WDR25: variants seen among roughly 807,000 people sequenced by gnomAD.
WDR25 encodes the protein WD repeat domain 25.
A neutral mutation model predicts 47.7 loss-of-function variants in WDR25; 35 were observed. The ratio of observed to expected loss-of-function variants is 0.73; its 90% CI spans 0.56 to 0.97. The LOEUF (loss-of-function observed/expected upper bound fraction) is 0.97. Ranked by LOEUF, WDR25 falls within the 50% of genes least tolerant of loss-of-function variation. WDR25 has a pLI of 0.00. For missense variants in WDR25, 634 were observed against 704.7 expected (o/e 0.90, Z 1.14); for synonymous variants, 248 against 278.9 (o/e 0.89, Z 1.10).
chr14:100,513,428 T>C (rs1901376993), intron 4 of WDR25, among the ~76,000 whole-genome samples: 1 of 152,206 alleles, frequency 6.6e-6, no homozygotes, highest in South Asian at 2.1e-4. Flanking sequence ...ACCTCAATCT[T>C]GGACTTCCCA....
Position 100,529,459 on chromosome 14 carries a change from G to A in WDR25, c.1413+251G>A. The A allele has an allele frequency of 1.6e-6, 1 of 612,682 alleles. No individual in the cohort carries two copies. The allele number at this position is 612,682 out of a possible 1,614,324, so 38.0% of individuals were successfully genotyped here. A position where few individuals can be genotyped will look rare whatever the true frequency, so the allele number is the denominator to read the frequency against. ...CACACAGACAGGTCTCAGAAGTGGG[G>A]GGCAGGAACAGGACAAAATGGTCAT... On this transcript the variant is annotated intron_variant, in intron 6 of 6. Transcript: ENST00000402312. The surrounding 1 kb of genome is among the most constrained non-coding windows in gnomAD (Gnocchi z 5.1).
intron 4 of WDR25, chr14:100,503,931 A>T (rs1205826816): frequency 6.6e-6 from 1 of 152,248 alleles, no homozygotes; most frequent in African/African-American, 2.4e-5. Context: ...CTTTAAAGAA[A>T]CTTTTTATTA....
Position 100,381,550 on chromosome 14 carries a change from C to T in WDR25, c.626C>T (p.Ala209Val), listed in dbSNP as rs201567229. The stretch of plus-strand genomic sequence containing the variant: ...GGGCCCCCTGCAGGGCGTGCCCCAG[C>T]CCCTCTCTACGTGGGCCCGGGAGTG... ...PQGPPAGRAP[A>V]PLYVGPGVSE... Residue 209 changes from alanine (A) to valine (V), a missense_variant, in exon 2 of 7, where the codon GCC becomes GTC. Ala to Val is a moderately conservative substitution (Grantham distance 64, BLOSUM62 0). Coordinates refer to ENST00000402312, the MANE Select transcript of WDR25 (RefSeq NM_001161476.3). 6.8e-5 allele frequency: 109 copies of T among 1,613,884 alleles called. No homozygotes were observed. The highest frequency in any genetic ancestry group is 9.0e-5 in the Non-Finnish European group (106 of 1,179,904).
chr14:100,522,019 A>G (rs191306984), intron 4 of WDR25, among the ~76,000 whole-genome samples: 13 of 152,326 alleles, frequency 8.5e-5, no homozygotes, highest in Middle Eastern at 3.4e-3. Context: ...TGTTAGGAGC[A>G]AAGTGGAAGG....
At chr14:100,378,171 G>T (rs1195769179) in intron 1 of WDR25, among the ~76,000 whole-genome samples, 1 of 93,036 alleles carries the variant, frequency 1.1e-5, no homozygotes, top group Admixed American at 8.8e-5. Context: ...ATTTCAGAAA[G>T]ATTTTTTTTT....
chr14:100,386,806 T>G (rs558509910), intron 2 of WDR25, among the ~76,000 whole-genome samples: 1 of 151,980 alleles, frequency 6.6e-6, no homozygotes, highest in African/African-American at 2.4e-5. Context: ...GGCAGGAGAA[T>G]GGCATGAACC....
chr14:100,489,324 G>A (rs900026207), intron 4 of WDR25, among the ~76,000 whole-genome samples: 1 of 152,236 alleles, frequency 6.6e-6, no homozygotes, highest in African/African-American at 2.4e-5. Context: ...CAGAATGGAA[G>A]CTGTAGAATT....
chr14:100,440,543 A>C lies in WDR25; in HGVS notation c.823-27478A>C, dbSNP rs1185104285. Among the ~76,000 whole-genome samples, 1 of 152,216 alleles carries C rather than the reference A, an allele frequency of 6.6e-6. No individual in the cohort carries two copies. Among genetic ancestry groups the C allele is most frequent in the Non-Finnish European group, 1.5e-5 (1 of 68,030 alleles). The stretch of plus-strand genomic sequence containing the variant: ...TAGCTCTCTGGAGGCTGTGCTGAGC[A>C]CTGAGGGACACTGGGAGAAAAACAC... On this transcript the variant is annotated intron_variant, in intron 2 of 6. Coordinates refer to ENST00000402312, the MANE Select transcript of WDR25 (RefSeq NM_001161476.3). The surrounding 1 kb of genome is among the most constrained non-coding windows in gnomAD (Gnocchi z 4.4).
intron 2 of WDR25, among the ~76,000 whole-genome samples, chr14:100,397,155 A>G (rs1897277454): frequency 6.6e-6 from 1 of 152,210 alleles, no homozygotes; most frequent in Non-Finnish European, 1.5e-5. Flanking sequence ...AAGGGAACAT[A>G]CTTTTTAATT....
chr14:100,376,552 A>G, intron 1 of WDR25, 57 bp downstream of exon 1: 1 of 1,231,866 alleles, frequency 8.1e-7, no homozygotes, highest in South Asian at 4.1e-5. Context: ...GGCAGCGCCT[A>G]AAGCGCCCCG....
Position 100,404,925 on chromosome 14 carries a change from T to C in WDR25, c.822+23179T>C, listed in dbSNP as rs983804895. On this transcript the variant is annotated intron_variant, in intron 2 of 6. Transcript: ENST00000402312. This position sits in a 1 kb window ranked among gnomAD's most constrained non-coding sequence, Gnocchi z 4.6. The stretch of plus-strand genomic sequence containing the variant: ...ACTTGGCACTGGTGTGTTTGGGCCC[T>C]TCCTCTTAACCCTCCTACCTTGTGT... 3.3e-5 allele frequency among the ~76,000 whole-genome samples: 5 copies of C among 152,164 alleles called. No homozygotes were observed. The highest frequency in any genetic ancestry group is 3.3e-4 in the Admixed American group (5 of 15,272).
chr14:100,487,048 G>T (rs1011227183), intron 4 of WDR25, among the ~76,000 whole-genome samples: 1 of 151,730 alleles, frequency 6.6e-6, no homozygotes. Context: ...ATTTGTATAC[G>T]CAATTTTGTG....
Position 100,502,715 on chromosome 14 carries a change from CT to C in WDR25, c.1101+18592del, listed in dbSNP as rs375683289. ...TCCACAGAGTACATCGTGATGGGAA[CT>C]GCTTGGGGGCTAATGAAAGACTCAC... is the stretch of plus-strand genomic sequence containing the variant. On this transcript the variant is annotated intron_variant, in intron 4 of 6. Transcript: ENST00000402312. The surrounding 1 kb of genome is among the most constrained non-coding windows in gnomAD (Gnocchi z 4.5). Among the ~76,000 whole-genome samples the C allele has an allele frequency of 5.6e-4, 85 of 152,326 alleles. 1 individual carries two copies. Among genetic ancestry groups the C allele is most frequent in the African/African-American group, 1.9e-3 (79 of 41,582 alleles).
intron 4 of WDR25, among the ~76,000 whole-genome samples, chr14:100,510,737 AAATAATAATAAT>A (rs556858291): frequency 6.8e-6 from 1 of 146,956 alleles, no homozygotes; most frequent in Non-Finnish European, 1.5e-5. Context: ...CACCATCTCA[AAATAATAATAAT>A]AATAATAATA....
intron 2 of WDR25, among the ~76,000 whole-genome samples, chr14:100,434,753 C>T (rs747970804): frequency 4.6e-5 from 7 of 152,178 alleles, no homozygotes; most frequent in Non-Finnish European, 1.0e-4. Context: ...TCCTCTCTAC[C>T]CAGCTCCCAC....
rs914932333 is a variant in WDR25 at position 100,468,641 on chromosome 14, A to G, written c.970+473A>G. Among the ~76,000 whole-genome samples the G allele has an allele frequency of 6.6e-6, 1 of 152,152 alleles. No individual in the cohort carries two copies. Among genetic ancestry groups the G allele is most frequent in the Non-Finnish European group, 1.5e-5 (1 of 68,034 alleles). ...CTGAAAAGGCACTTGGGTAGGATGG[A>G]TTCGTGCCGGGTAAATCCTGAGAGG... On this transcript the variant is annotated intron_variant, in intron 3 of 6. Transcript: ENST00000402312. This position sits in a 1 kb window ranked among gnomAD's most constrained non-coding sequence, Gnocchi z 4.5.
intron 2 of WDR25, among the ~76,000 whole-genome samples, chr14:100,401,565 C>A (rs976413911): frequency 1.3e-5 from 2 of 152,232 alleles, no homozygotes; most frequent in Admixed American, 1.3e-4. Flanking sequence ...GGATTGATCA[C>A]TTCTTCCTCC....
intron 3 of WDR25, among the ~76,000 whole-genome samples, chr14:100,470,727 G>C (rs1411623402): frequency 6.6e-6 from 1 of 152,184 alleles, no homozygotes. Context: ...TGGAGGAGTG[G>C]GAGGTAGAAT....
At chr14:100,422,558 C>G (rs1279346678) in intron 2 of WDR25, among the ~76,000 whole-genome samples, 1 of 152,170 alleles carries the variant, frequency 6.6e-6, no homozygotes, top group Non-Finnish European at 1.5e-5. Flanking sequence ...CTTGTACACC[C>G]CTGTGAAAGC....
Sources: allele counts gnomAD v4.1 joint callset (sites outside exome capture counted in the v4.1 genomes callset), GRCh38; gene constraint gnomAD v4.1.1; non-coding constraint Gnocchi (gnomAD v3.1); transcripts MANE v1.5; gene names NCBI Gene and HGNC (gene_info 2026-07-23, HGNC 2026-07-21).